Variants in KLHL7 observed in about 807,000 individuals in gnomAD.
The protein encoded by KLHL7 is kelch like family member 7.
A neutral mutation model predicts 67.4 loss-of-function variants in KLHL7; 44 were observed. The ratio of observed to expected loss-of-function variants is 0.65; its 90% CI spans 0.51 to 0.84. KLHL7 has a LOEUF of 0.84. Ranked by LOEUF, KLHL7 falls within the 40% of genes least tolerant of loss-of-function variation. The pLI is 0.00. For missense variants in KLHL7, 362 were observed against 718.1 expected, an observed-to-expected ratio of 0.50 and a Z score of 5.67; for synonymous variants, 252 against 243.3, an observed-to-expected ratio of 1.04 and a Z score of -0.33.
intron 7 of KLHL7, among the ~76,000 whole-genome samples, chr7:23,159,747 T>G (rs1443052835): frequency 1.3e-5 from 2 of 152,176 alleles, no homozygotes; most frequent in Admixed American, 6.5e-5. Context: ...CCCAGTCTGG[T>G]GTCAACTACT....
rs1007606483 is a variant in KLHL7 at position 23,177,339 on chromosome 7, C to G, written c.*3041C>G. 1 of 152,144 alleles carries G rather than the reference C, an allele frequency of 6.6e-6. No homozygotes were observed. The highest frequency in any genetic ancestry group is 1.5e-5 in the Non-Finnish European group (1 of 68,020). The allele number at this position is 152,144 out of a possible 1,614,324, so 9.4% of individuals were successfully genotyped here. On this transcript the variant is annotated 3_prime_UTR_variant, in exon 11 of 11. Coordinates refer to ENST00000339077, the MANE Select transcript of KLHL7 (RefSeq NM_001031710.3). Reference sequence around the variant, plus strand: ...CCTATGTAGAATATACAGTACCTGTCTAAGATATTTTAAGTACACCAGCAT... The same window carrying G: ...CCTATGTAGAATATACAGTACCTGTGTAAGATATTTTAAGTACACCAGCAT...
At chr7:23,173,255 CAT>C (rs1325940916) in intron 10 of KLHL7, among the ~76,000 whole-genome samples, 2 of 152,170 alleles carry the variant, frequency 1.3e-5, no homozygotes, top group Non-Finnish European at 2.9e-5. Flanking sequence ...AGTCACCAGT[CAT>C]TGTGACAATT....
At chr7:23,152,550 T>G (rs1043639755) in intron 7 of KLHL7, among the ~76,000 whole-genome samples, 4 of 152,294 alleles carry the variant, frequency 2.6e-5, no homozygotes. Flanking sequence ...CTGGGCCAAA[T>G]TTGTTTGTTT....
In KLHL7 at chr7:23,124,545, T is replaced by C. The variant is rs538617542; in HGVS notation, c.224-143T>C. 8.6e-6 allele frequency: 6 copies of C among 701,010 alleles called. No individual in the cohort carries two copies. In the South Asian group the frequency reaches 9.1e-5, roughly 11 times the overall value. The allele number at this position is 701,010 out of a possible 1,614,324, so 43.4% of individuals were successfully genotyped here. Reference sequence around the variant, plus strand: ...AATTAATTTGCATTGACTATAGAAATGTTGGGCTTGCTGGGGCATTTTCTT... The same window carrying C: ...AATTAATTTGCATTGACTATAGAAACGTTGGGCTTGCTGGGGCATTTTCTT... On this transcript the variant is annotated intron_variant, in intron 2 of 10. Coordinates refer to ENST00000339077, the MANE Select transcript of KLHL7 (RefSeq NM_001031710.3).
intron 7 of KLHL7, among the ~76,000 whole-genome samples, chr7:23,159,712 G>A (rs1053391205): frequency 2.0e-5 from 3 of 151,876 alleles, no homozygotes; most frequent in African/African-American, 7.3e-5. Flanking sequence ...TAGATTTTTT[G>A]TAGAGACAGG....
At chr7:23,113,987 A>C (rs985213417) in intron 1 of KLHL7, among the ~76,000 whole-genome samples, 1 of 152,220 alleles carries the variant, frequency 6.6e-6, no homozygotes, top group African/African-American at 2.4e-5. Context: ...AAAAGCACGA[A>C]TGTAAGAAGC....
intron 1 of KLHL7, among the ~76,000 whole-genome samples, chr7:23,113,227 A>G (rs1358725877): frequency 1.3e-5 from 2 of 152,162 alleles, no homozygotes; most frequent in Non-Finnish European, 2.9e-5. Context: ...AAGAATAGAA[A>G]TGGTATTATG....
At chr7:23,124,190 CAAAAAAAAAAA>C (rs149801497) in intron 2 of KLHL7, among the ~76,000 whole-genome samples, 14 of 25,858 alleles carry the variant, frequency 5.4e-4, no homozygotes, top group South Asian at 3.2e-3. Context: ...GACTCTGTCT[CAAAAAAAAAAA>C]AAAAAAAAAA....
At position 23,162,833 on chromosome 7, in the gene KLHL7, G is replaced by C. The variant is rs113396742; in HGVS notation, c.937-2865G>C. On this transcript the variant is annotated intron_variant, in intron 7 of 10. Coordinates refer to ENST00000339077, the MANE Select transcript of KLHL7 (RefSeq NM_001031710.3). The stretch of plus-strand genomic sequence containing the variant: ...TGTAATTTAGTCATCTTAAACTCAG[G>C]TTGGATTGATTCCCTGTGGTTTCTC... Among the ~76,000 whole-genome samples the C allele has an allele frequency of 4.3e-3, 652 of 152,274 alleles. 3 individuals carry two copies. The highest frequency in any genetic ancestry group is 7.1e-3 in the Non-Finnish European group (480 of 68,012).
At chr7:23,155,430 A>G (rs544205704) in intron 7 of KLHL7, among the ~76,000 whole-genome samples, 146 of 152,290 alleles carry the variant, frequency 9.6e-4, no homozygotes, top group Admixed American at 2.1e-3. Flanking sequence ...TGGGAGCCCA[A>G]GGTGGGTGGA....
chr7:23,126,070 A>G (rs1342937021), intron 4 of KLHL7: 1 of 628,786 alleles, frequency 1.6e-6, no homozygotes, highest in South Asian at 1.7e-5. Flanking sequence ...CACTACTCTT[A>G]TATTTTGGGG....
intron 1 of KLHL7, among the ~76,000 whole-genome samples, chr7:23,123,346 A>T (rs1259765749): frequency 6.6e-6 from 1 of 152,208 alleles, no homozygotes; most frequent in Non-Finnish European, 1.5e-5. Flanking sequence ...TTCATCAAGG[A>T]TAAATAATGG....
In KLHL7 at chr7:23,125,173, G is replaced by T. The variant is rs1406188536; in HGVS notation, c.442+1G>T. 6.2e-7 allele frequency: 1 copy of T among 1,612,900 alleles called. No homozygotes were observed. Among genetic ancestry groups the T allele is most frequent in the South Asian group, 1.1e-5 (1 of 90,972 alleles). ...CAAGTTGATGCTTCAAATTGTCTTG[G>T]TAAGAAATATCAGATTCCTGTTGTG... On this transcript the variant is annotated splice_donor_variant, in intron 4 of 10. Coordinates refer to ENST00000339077, the MANE Select transcript of KLHL7 (RefSeq NM_001031710.3). LOFTEE classifies it high-confidence loss of function.
intron 1 of KLHL7, 97 bp from the exon 2 acceptor site, chr7:23,123,680 A>G: frequency 1.3e-6 from 1 of 778,272 alleles, no homozygotes; most frequent in Non-Finnish European, 2.2e-6. Context: ...TTAAATAGAA[A>G]ATAGAGATAA....
intron 6 of KLHL7, among the ~76,000 whole-genome samples, chr7:23,148,664 T>TCATA (rs1784438958): frequency 6.6e-6 from 1 of 152,216 alleles, no homozygotes; most frequent in East Asian, 1.9e-4. Flanking sequence ...TTCTATTTCT[T>TCATA]CATACATGGT....
chr7:23,140,578 CAAAA>C lies in KLHL7; in HGVS notation c.443-184_443-181del, dbSNP rs5882887. 8 of 607,306 alleles carry C rather than the reference CAAAA, an allele frequency of 1.3e-5. No individual in the cohort carries two copies. The Admixed American group carries it at 1.9e-4, about 14-fold the overall frequency. The allele number at this position is 607,306 out of a possible 1,614,324, so 37.6% of individuals were successfully genotyped here. A position where few individuals can be genotyped will look rare whatever the true frequency, so the allele number is the denominator to read the frequency against. ...TCTCAAAAAACAAAAAAACAAAAAACAAAAAAAAAACCAGTCTTTTATAAGACAG... is the reference window on the plus strand; with the variant it reads ...TCTCAAAAAACAAAAAAACAAAAAACAAAAAACCAGTCTTTTATAAGACAG... On this transcript the variant is annotated intron_variant, in intron 4 of 10. Transcript: ENST00000339077.
chr7:23,123,981 A>G (rs1783456981), intron 2 of KLHL7, 102 bp downstream of exon 2: 1 of 819,204 alleles, frequency 1.2e-6, no homozygotes. Flanking sequence ...GCAGTTAAGA[A>G]CTTAAGGCCA....
At position 23,117,081 on chromosome 7, in the gene KLHL7, C is replaced by CTTTTTTTTTTTTTTTTT. The variant is rs34692665; in HGVS notation, c.121-6688_121-6672dup. Among the ~76,000 whole-genome samples the CTTTTTTTTTTTTTTTTT allele has an allele frequency of 4.3e-4, 29 of 68,228 alleles. 6 individuals carry two copies. Among genetic ancestry groups the CTTTTTTTTTTTTTTTTT allele is most frequent in the Non-Finnish European group, 5.8e-4 (21 of 36,226 alleles). The allele number at this position is 68,228 out of a possible 152,430, so 44.8% of individuals were successfully genotyped here. A position where few individuals can be genotyped will look rare whatever the true frequency, so the allele number is the denominator to read the frequency against. ...TCATAAAATTTTCCTAGAGCCAGGC[C>CTTTTTTTTTTTTTTTTT]TTTTTTTTTTTTTTTTTTTTTTTTG... is the stretch of plus-strand genomic sequence containing the variant. On this transcript the variant is annotated intron_variant, in intron 1 of 10. Transcript: ENST00000339077.
At chr7:23,118,530 C>T (rs1020678994) in intron 1 of KLHL7, among the ~76,000 whole-genome samples, 1 of 152,160 alleles carries the variant, frequency 6.6e-6, no homozygotes, top group African/African-American at 2.4e-5. Flanking sequence ...AGCCAGAATG[C>T]CTGGCTATCT....
Sources: gnomAD v4.1 joint callset for allele counts (sites outside exome capture counted in the v4.1 genomes callset) on GRCh38, gnomAD v4.1.1 for gene constraint, MANE v1.5 for transcripts, NCBI Gene and HGNC (gene_info 2026-07-23, HGNC 2026-07-21) for gene names.